DSCAM: variants seen among roughly 807,000 people sequenced by gnomAD.
DSCAM encodes the protein cell adhesion molecule DSCAM.
DSCAM carries 47 observed loss-of-function variants against 217.7 expected under a neutral mutation model. The ratio of observed to expected loss-of-function variants is 0.22; its 90% CI spans 0.17 to 0.28. The LOEUF is 0.28. Ranked by LOEUF, DSCAM falls within the 10% of genes least tolerant of loss-of-function variation. The probability of loss-of-function intolerance (pLI) is 1.00; values close to 1 mark genes in which losing one functional copy is unlikely to be tolerated. For missense variants in DSCAM, 2,080 were observed against 2,618.3 expected, an observed-to-expected ratio of 0.79 and a Z score of 4.49; for synonymous variants, 1,056 against 1,015.3, an observed-to-expected ratio of 1.04 and a Z score of -0.76.
chr21:40,427,574 C>A (rs189915276), intron 3 of DSCAM, among the ~76,000 whole-genome samples: 6 of 152,334 alleles, frequency 3.9e-5, no homozygotes, highest in Admixed American at 2.6e-4. Context: ...CTGGCCTTCC[C>A]TCTGTGAATG....
chr21:40,209,266 G>A (rs181321194), intron 11 of DSCAM, among the ~76,000 whole-genome samples: 26 of 152,316 alleles, frequency 1.7e-4, no homozygotes, highest in African/African-American at 5.8e-4. Context: ...GTTATGCAGG[G>A]TGTGTGGCCA....
chr21:40,330,089 C>T (rs2074360214), intron 8 of DSCAM, among the ~76,000 whole-genome samples: 1 of 151,632 alleles, frequency 6.6e-6, no homozygotes, highest in East Asian at 1.9e-4. Context: ...AGTCATTCCA[C>T]AATGGATATA....
chr21:40,631,976 G>A (rs1053476250), intron 3 of DSCAM, among the ~76,000 whole-genome samples: 1 of 152,236 alleles, frequency 6.6e-6, no homozygotes, highest in Non-Finnish European at 1.5e-5. Context: ...GTACAATTCT[G>A]ACAAAGTCTG....
chr21:40,361,858 T>A (rs1163163390), intron 4 of DSCAM, among the ~76,000 whole-genome samples: 1 of 152,210 alleles, frequency 6.6e-6, no homozygotes, highest in Non-Finnish European at 1.5e-5. Context: ...CTTGCTCACA[T>A]GCAGTTGTTA....
intron 3 of DSCAM, among the ~76,000 whole-genome samples, chr21:40,627,569 A>C (rs2089618687): frequency 6.6e-6 from 1 of 152,220 alleles, no homozygotes; most frequent in South Asian, 2.1e-4. Flanking sequence ...ACCATACTTA[A>C]GTCACCTTGA....
intron 8 of DSCAM, among the ~76,000 whole-genome samples, chr21:40,333,829 A>G (rs12626628): frequency 0.53 from 80,312 of 151,830 alleles, 21,679 homozygotes; most frequent in South Asian, 0.64. Flanking sequence ...CTGGAGCTAC[A>G]GGTGCGTACC....
At chr21:40,750,331 T>C (rs925474754) in intron 1 of DSCAM, among the ~76,000 whole-genome samples, 14 of 152,228 alleles carry the variant, frequency 9.2e-5, no homozygotes, top group Admixed American at 3.9e-4. Context: ...CAGTGGCCTG[T>C]GTTTTGCTGT....
At chr21:40,381,074 A>AAAAAAACAAAAAAAAAC (rs1733187386) in intron 3 of DSCAM, among the ~76,000 whole-genome samples, 8 of 147,040 alleles carry the variant, frequency 5.4e-5, no homozygotes, top group African/African-American at 1.8e-4. Context: ...AAAAAAAAAA[A>AAAAAAACAAAAAAAAAC]AAAAAAAAAA....
chr21:40,030,914 G>A lies in DSCAM; in HGVS notation c.5686+11457C>T, dbSNP rs570281478. 1.5e-3 allele frequency among the ~76,000 whole-genome samples: 228 copies of A among 152,156 alleles called. 1 individual carries two copies. The highest frequency in any genetic ancestry group is 2.4e-3 in the Non-Finnish European group (164 of 68,006). ...AAAGCTTAGCATGTATGTACATGGG[G>A]TCTTCTGCAGCCACTACCCTGCAAC... On this transcript the variant is annotated intron_variant, in intron 32 of 32. Transcript: ENST00000400454.
intron 3 of DSCAM, among the ~76,000 whole-genome samples, chr21:40,460,338 A>G (rs188036798): frequency 1.3e-5 from 2 of 152,320 alleles, no homozygotes; most frequent in African/African-American, 2.4e-5. Context: ...AATAAAAAAT[A>G]AAAACAAGTT....
chr21:40,400,702 C>A (rs2075225836), intron 3 of DSCAM, among the ~76,000 whole-genome samples: 1 of 152,194 alleles, frequency 6.6e-6, no homozygotes, highest in South Asian at 2.1e-4. Flanking sequence ...CAGGCATGAG[C>A]CGCTGTGCCT....
chr21:40,032,165 G>C (rs1261205670), intron 32 of DSCAM, among the ~76,000 whole-genome samples: 1 of 152,170 alleles, frequency 6.6e-6, no homozygotes, highest in Non-Finnish European at 1.5e-5. Context: ...TTCTGCTTCA[G>C]GTGGTCCCCA....
chr21:40,675,026 CACACAT>C (rs1182938997), intron 3 of DSCAM, among the ~76,000 whole-genome samples: 2 of 129,702 alleles, frequency 1.5e-5, no homozygotes, highest in Admixed American at 7.3e-5. Flanking sequence ...CACACACACA[CACACAT>C]GCACGCGCAC....
At chr21:40,716,610 CAT>C (rs2090845412) in intron 1 of DSCAM, among the ~76,000 whole-genome samples, 2 of 152,210 alleles carry the variant, frequency 1.3e-5, no homozygotes, top group African/African-American at 4.8e-5. Context: ...CACTGACAAA[CAT>C]AAAGAAGAGT....
chr21:40,092,299 C>T (rs960312344), intron 21 of DSCAM, among the ~76,000 whole-genome samples: 3 of 152,192 alleles, frequency 2.0e-5, no homozygotes, highest in South Asian at 2.1e-4. Context: ...GAACAGGCCA[C>T]CCAAGAGAGC....
Position 40,266,635 on chromosome 21 carries a change from T to TTATATATATATATA in DSCAM, c.2356+9448_2356+9461dup, listed in dbSNP as rs71186923. ...TAACTGATGAATGGACAAAGATGTT[T>TTATATATATATATA]TATATATATATATATATATATATAT... On this transcript the variant is annotated intron_variant, in intron 11 of 32. Transcript: ENST00000400454. Among the ~76,000 whole-genome samples the TTATATATATATATA allele has an allele frequency of 7.1e-3, 441 of 62,496 alleles. 6 individuals carry two copies. Among genetic ancestry groups the TTATATATATATATA allele is most frequent in the Middle Eastern group, 0.014 (1 of 70 alleles). 41.0% of individuals were successfully genotyped at this position (62,496 alleles called of 152,430 possible). A position where few individuals can be genotyped will look rare whatever the true frequency, so the allele number is the denominator to read the frequency against.
chr21:40,381,062 CAAAA>C (rs71186932), intron 3 of DSCAM, among the ~76,000 whole-genome samples: 7 of 66,222 alleles, frequency 1.1e-4, no homozygotes, highest in Admixed American at 5.2e-4. Flanking sequence ...GACTCCGTCT[CAAAA>C]AAAAAAAAAA....
intron 3 of DSCAM, among the ~76,000 whole-genome samples, chr21:40,622,034 ACAT>A (rs1380975461): frequency 2.0e-5 from 3 of 152,290 alleles, no homozygotes; most frequent in Admixed American, 6.5e-5. Context: ...ACCACTTTTT[ACAT>A]CAACTACCAC....
chr21:40,078,020 T>C (rs2089393734), intron 26 of DSCAM, among the ~76,000 whole-genome samples: 1 of 152,226 alleles, frequency 6.6e-6, no homozygotes, highest in Admixed American at 6.5e-5. Context: ...GGCTTAGCAT[T>C]TGTTCAGTTA....
Sources: gnomAD v4.1 joint callset for allele counts (sites outside exome capture counted in the v4.1 genomes callset) on GRCh38, gnomAD v4.1.1 for gene constraint, MANE v1.5 for transcripts, NCBI Gene and HGNC (gene_info 2026-07-23, HGNC 2026-07-21) for gene names.